The following ZNF83 variants were observed in gnomAD, a reference collection of about 807,000 sequenced individuals.
ZNF83 encodes the protein zinc finger protein 83.
For synonymous variants in ZNF83, 209 were observed against 213.0 expected (o/e 0.98, Z 0.17); for missense variants, 552 against 629.9 (o/e 0.88, Z 1.32).
At chr19:52,680,394 A>G (rs527357235) in intron 1 of ZNF83, among the ~76,000 whole-genome samples, 5 of 152,258 alleles carry the variant, frequency 3.3e-5, no homozygotes, top group Admixed American at 2.6e-4. Flanking sequence ...AGAGAATTCT[A>G]TAGCCACATC....
At chr19:52,653,408 C>G (rs2061468203) in intron 3 of ZNF83, 1 of 887,390 alleles carries the variant, frequency 1.1e-6, no homozygotes, top group Non-Finnish European at 1.8e-6. Context: ...TAAGGTTTCT[C>G]TTCAGTATGA....
intron 3 of ZNF83, among the ~76,000 whole-genome samples, chr19:52,646,015 C>T (rs1027350403): frequency 3.3e-5 from 5 of 152,110 alleles, no homozygotes; most frequent in African/African-American, 1.2e-4. Context: ...TTTCGGCTCA[C>T]TGCAACCTCT....
chr19:52,635,883 T>C (rs767926340), intron 1 of ZNF83: 5 of 151,396 alleles, frequency 3.3e-5, no homozygotes, highest in African/African-American at 1.2e-4. Flanking sequence ...TCCCAGCTAG[T>C]TGGGAGGCTG....
At chr19:52,647,655 C>T (rs1365564789) in intron 3 of ZNF83, among the ~76,000 whole-genome samples, 5 of 151,548 alleles carry the variant, frequency 3.3e-5, no homozygotes, top group Non-Finnish European at 7.4e-5. Context: ...CTCTCTAGCT[C>T]TTTTTTTTCT....
intron 2 of ZNF83, among the ~76,000 whole-genome samples, chr19:52,624,549 C>T (rs1021218831): frequency 2.7e-4 from 41 of 152,222 alleles, no homozygotes; most frequent in African/African-American, 8.0e-4. Context: ...CCTTTCCCCA[C>T]TCGTCTTTCC....
At chr19:52,679,440 G>A (rs994831822) in intron 1 of ZNF83, among the ~76,000 whole-genome samples, 8 of 152,046 alleles carry the variant, frequency 5.3e-5, no homozygotes, top group African/African-American at 1.9e-4. Flanking sequence ...ATGAAACTCC[G>A]ACTCTACTAA....
chr19:52,687,586 A>AAAT (rs1381055819), intron 1 of ZNF83, among the ~76,000 whole-genome samples: 1 of 39,300 alleles, frequency 2.5e-5, no homozygotes, highest in Non-Finnish European at 4.0e-5. Context: ...TTTTATATAT[A>AAAT]TATATATATA....
intron 2 of ZNF83, among the ~76,000 whole-genome samples, chr19:52,619,396 G>A (rs568542486): frequency 6.6e-6 from 1 of 152,304 alleles, no homozygotes; most frequent in Non-Finnish European, 1.5e-5. Flanking sequence ...GGGAGGCTGA[G>A]GCAGGTGGAT....
intron 1 of ZNF83, among the ~76,000 whole-genome samples, chr19:52,637,964 T>G (rs2061208575): frequency 6.6e-6 from 1 of 152,076 alleles, no homozygotes; most frequent in Non-Finnish European, 1.5e-5. Flanking sequence ...TGCGCTCCAG[T>G]GGCCTACGAA....
intron 1 of ZNF83, among the ~76,000 whole-genome samples, chr19:52,667,514 T>C (rs2061671264): frequency 6.6e-6 from 1 of 152,240 alleles, no homozygotes; most frequent in South Asian, 2.1e-4. Context: ...AAGTAAAATA[T>C]ACTTTTGGTA....
upstream of ZNF83, among the ~76,000 whole-genome samples, chr19:52,638,951 C>G (rs2061244826): frequency 6.6e-6 from 1 of 152,224 alleles, no homozygotes; most frequent in Non-Finnish European, 1.5e-5. Context: ...AAGTAACACC[C>G]CCTCCCGCAG....
At chr19:52,675,229 C>G (rs537797306) in intron 1 of ZNF83, among the ~76,000 whole-genome samples, 1 of 152,184 alleles carries the variant, frequency 6.6e-6, no homozygotes, top group African/African-American at 2.4e-5. Flanking sequence ...CAAATAAGGA[C>G]ACCAGGCCCA....
intron 2 of ZNF83, among the ~76,000 whole-genome samples, chr19:52,615,150 T>G (rs967528950): frequency 6.6e-6 from 1 of 152,158 alleles, no homozygotes; most frequent in African/African-American, 2.4e-5. Flanking sequence ...GTCTAATAGT[T>G]GAAAGAATTT....
At chr19:52,664,990 A>T (rs1158307460) in intron 1 of ZNF83, among the ~76,000 whole-genome samples, 2 of 152,138 alleles carry the variant, frequency 1.3e-5, no homozygotes, top group African/African-American at 4.8e-5. Context: ...AATTAATTTT[A>T]GCAATTTAAT....
At chr19:52,632,561 A>G (rs441527) in intron 2 of ZNF83, among the ~76,000 whole-genome samples, 121,585 of 152,052 alleles carry the variant, frequency 0.8, 49,292 homozygotes, top group African/African-American at 0.94. Flanking sequence ...TTACACTGCC[A>G]GTTTACACTG....
At chr19:52,685,724 T>C (rs1387457245) in intron 1 of ZNF83, among the ~76,000 whole-genome samples, 2 of 151,748 alleles carry the variant, frequency 1.3e-5, no homozygotes, top group Non-Finnish European at 2.9e-5. Flanking sequence ...TGGTGAAACC[T>C]TGTCTCTACT....
chr19:52,673,521 A>AC (rs2061756141), intron 1 of ZNF83, among the ~76,000 whole-genome samples: 1 of 147,516 alleles, frequency 6.8e-6, no homozygotes, highest in Non-Finnish European at 1.5e-5. Flanking sequence ...CACACACACA[A>AC]AATGCTATAA....
intron 1 of ZNF83, among the ~76,000 whole-genome samples, chr19:52,638,052 A>T (rs1227872668): frequency 6.6e-6 from 1 of 152,138 alleles, no homozygotes; most frequent in Non-Finnish European, 1.5e-5. Context: ...GGGAGGAGTC[A>T]GAAAACAGTT....
intron 1 of ZNF83, among the ~76,000 whole-genome samples, chr19:52,688,495 T>C (rs542793105): frequency 1.9e-4 from 29 of 152,036 alleles, no homozygotes; most frequent in African/African-American, 6.8e-4. Flanking sequence ...ATTACTTTGC[T>C]TCCTTCCCTG....
Sources: allele counts gnomAD v4.1 joint callset (sites outside exome capture counted in the v4.1 genomes callset), GRCh38; gene constraint gnomAD v4.1.1; transcripts MANE v1.5; gene names NCBI Gene and HGNC (gene_info 2026-07-23, HGNC 2026-07-21).